SYNC: variants seen among roughly 807,000 people sequenced by gnomAD.
SYNC encodes the protein syncoilin, intermediate filament protein, also known as syncoilin.
A neutral mutation model predicts 49.5 loss-of-function variants in SYNC; 38 were observed. The observed-to-expected ratio is 0.77, with a 90% CI of 0.59 to 1.01. The LOEUF is 1.01. Ranked by LOEUF, SYNC falls within the 50% of genes least tolerant of loss-of-function variation. The pLI is 0.00. For missense variants in SYNC, 579 were observed against 580.6 expected, an observed-to-expected ratio of 1.00 and a Z score of 0.03; for synonymous variants, 201 against 230.8, an observed-to-expected ratio of 0.87 and a Z score of 1.17.
chr1:32,687,516 C>A (rs953774685), intron 2 of SYNC, among the ~76,000 whole-genome samples: 2 of 151,322 alleles, frequency 1.3e-5, no homozygotes, highest in African/African-American at 4.9e-5. Flanking sequence ...ACTAAAAATA[C>A]AAAAATTAGT....
At position 32,694,963 on chromosome 1, in the gene SYNC, G is replaced by C. The variant is rs1387344565; in HGVS notation, c.1135C>G (p.Gln379Glu). 2 of 1,613,898 alleles carry C rather than the reference G, an allele frequency of 1.2e-6. No individual in the cohort carries two copies. Among genetic ancestry groups the C allele is most frequent in the African/African-American group, 2.7e-5 (2 of 74,878 alleles). Residue 379 changes from glutamine (Q) to glutamate (E), a missense_variant, in exon 2 of 5, where the codon CAA (glutamine) becomes GAA (glutamate). Physicochemically the swap from Gln to Glu is conservative, Grantham distance 29. Transcript: ENST00000409190. ...QEMKEALRPL[Q>E]AEARQLRLQN... ...AGGCGGAGCTGCCGGGCCTCTGCTT[G>C]CAGGGGTCTCAGAGCCTCCTTCATT...
chr1:32,682,050 C>G (rs1477384803), intron 4 of SYNC, 190 bp from the exon 5 acceptor site: 2 of 575,682 alleles, frequency 3.5e-6, no homozygotes, highest in East Asian at 5.8e-5. Flanking sequence ...GATAGTTAAA[C>G]GTTTTCTCTG....
intron 2 of SYNC, among the ~76,000 whole-genome samples, chr1:32,694,352 C>T (rs1167853317): frequency 6.6e-6 from 1 of 150,994 alleles, no homozygotes; most frequent in Admixed American, 6.6e-5. Flanking sequence ...AAGACCCTGT[C>T]GCAAAAAAAA....
intron 4 of SYNC, chr1:32,682,598 C>T (rs1649518957): frequency 6.6e-6 from 1 of 151,832 alleles, no homozygotes; most frequent in African/African-American, 2.4e-5. Context: ...TGGTGAAACC[C>T]CGTTTCTACT....
Position 32,702,513 on chromosome 1 carries a change from C to G in SYNC, c.53+95G>C. 1 of 1,143,340 alleles carries G rather than the reference C, an allele frequency of 8.7e-7. No homozygotes were observed. Among genetic ancestry groups the G allele is most frequent in the Non-Finnish European group, 1.1e-6 (1 of 920,044 alleles). 70.8% of individuals were successfully genotyped at this position (1,143,340 alleles called of 1,614,324 possible). On this transcript the variant is annotated intron_variant, in intron 1 of 4. Transcript: ENST00000409190. This position sits in a 1 kb window ranked among gnomAD's most constrained non-coding sequence, Gnocchi z 6.2. ...CCCCGGCTGGACCACTACCCCTAGA[C>G]AGGCGAAAGACGCCCGCGGTCGGGG... is the stretch of plus-strand genomic sequence containing the variant.
intron 2 of SYNC, among the ~76,000 whole-genome samples, chr1:32,686,992 A>G (rs1435333278): frequency 1.3e-5 from 2 of 152,184 alleles, no homozygotes; most frequent in Non-Finnish European, 2.9e-5. Flanking sequence ...ATTGCATTCT[A>G]TGTAAAATTA....
intron 2 of SYNC, among the ~76,000 whole-genome samples, chr1:32,690,610 C>T (rs1236404839): frequency 6.6e-6 from 1 of 150,418 alleles, no homozygotes; most frequent in Non-Finnish European, 1.5e-5. Context: ...TGCCACTGCA[C>T]TCTAGCCTGA....
rs764770715 is a variant in SYNC at position 32,701,920 on chromosome 1, C to T, written c.53+688G>A. On this transcript the variant is annotated intron_variant, in intron 1 of 4. Coordinates refer to ENST00000409190, the MANE Select transcript of SYNC (RefSeq NM_030786.3). ...ATGGGTGAGTGTGTGTGTGTAAGACCGCTCAGCTTTGTGCCCCTGTGTGAC... is the reference window on the plus strand; with the variant it reads ...ATGGGTGAGTGTGTGTGTGTAAGACTGCTCAGCTTTGTGCCCCTGTGTGAC... 7.2e-5 allele frequency among the ~76,000 whole-genome samples: 11 copies of T among 152,264 alleles called. No individual in the cohort carries two copies. The South Asian group carries it at 2.1e-3, about 29-fold the overall frequency.
chr1:32,695,856 T>G lies in SYNC; in HGVS notation c.242A>C (p.Glu81Ala). The change falls in exon 2 of 5, where the codon GAG becomes GCG. Residue 81 changes from glutamate (E) to alanine (A), a missense_variant. By Grantham distance (107) the Glu-to-Ala change is moderately radical. Transcript: ENST00000409190. ...CATGGCCTCCTCAATATACAGGGCC[T>G]CCTCTGCCTTCTCAGTCTCTTGCAC... ...LYVQETEKAE[E>A]ALYIEEAMQP... The G allele has an allele frequency of 6.4e-7, 1 of 1,552,044 alleles. No homozygotes were observed. The highest frequency in any genetic ancestry group is 8.7e-7 in the Non-Finnish European group (1 of 1,147,082).
At chr1:32,699,332 T>G in intron 1 of SYNC, among the ~76,000 whole-genome samples, 1 of 151,608 alleles carries the variant, frequency 6.6e-6, no homozygotes, top group Non-Finnish European at 1.5e-5. Flanking sequence ...TTTTGTGTAT[T>G]TAGTAGAGAC....
rs1393203944 is a variant in SYNC at position 32,688,026 on chromosome 1, G to T, written c.1234-3644C>A. Among the ~76,000 whole-genome samples, 15 of 151,574 alleles carry T rather than the reference G, an allele frequency of 9.9e-5. 1 individual carries two copies. The highest frequency in any genetic ancestry group is 9.2e-4 in the Admixed American group (14 of 15,178). ...ATTTTTGTATTTTTAGTAGAGACGG[G>T]GTTTCACCATATTGGTCAGGTTGGT... On this transcript the variant is annotated intron_variant, in intron 2 of 4. Transcript: ENST00000409190.
Position 32,680,365 on chromosome 1 carries a change from T to G in SYNC, c.*1485A>C, listed in dbSNP as rs548056152. The G allele has an allele frequency of 3.1e-5, 35 of 1,136,340 alleles. No individual in the cohort carries two copies. The South Asian group carries it at 6.2e-4, about 20-fold the overall frequency. The allele number at this position is 1,136,340 out of a possible 1,614,324, so 70.4% of individuals were successfully genotyped here. A position where few individuals can be genotyped will look rare whatever the true frequency, so the allele number is the denominator to read the frequency against. ...TTTTTTTTTTGTTGTTGGTTTTTTT[T>G]TTTTTTTTTTTAACTTGGGACCACC... On this transcript the variant is annotated 3_prime_UTR_variant, in exon 5 of 5. Transcript: ENST00000409190.
At chr1:32,688,659 C>T (rs921089431) in intron 2 of SYNC, among the ~76,000 whole-genome samples, 1 of 152,146 alleles carries the variant, frequency 6.6e-6, no homozygotes, top group African/African-American at 2.4e-5. Context: ...TGCAGTGGCG[C>T]GATCTCAACC....
At chr1:32,694,799 T>C (rs762299316) in intron 2 of SYNC, 66 bp downstream of exon 2, 171 of 1,451,500 alleles carry the variant, frequency 1.2e-4, no homozygotes, top group Non-Finnish European at 1.5e-4. Context: ...CCCAAAGACC[T>C]TGGACTCTGG....
chr1:32,690,915 C>T (rs547318944), intron 2 of SYNC, among the ~76,000 whole-genome samples: 1 of 151,716 alleles, frequency 6.6e-6, no homozygotes, highest in Non-Finnish European at 1.5e-5. Context: ...GGTGAAACCC[C>T]GTCCCTACTA....
chr1:32,692,487 G>A (rs767098084), intron 2 of SYNC, among the ~76,000 whole-genome samples: 43 of 152,318 alleles, frequency 2.8e-4, no homozygotes, highest in Admixed American at 1.1e-3. Flanking sequence ...GGTGGCTTAC[G>A]CCTGTAATCC....
At position 32,701,324 on chromosome 1, in the gene SYNC, G is replaced by A. The variant is rs534838181; in HGVS notation, c.53+1284C>T. On this transcript the variant is annotated intron_variant, in intron 1 of 4. Transcript: ENST00000409190. ...CAGACAGCCCCATGTGTGTTCTCAG[G>A]GCACTCTGTATGCAGCACATCTTCA... Among the ~76,000 whole-genome samples the A allele has an allele frequency of 4.6e-5, 7 of 152,152 alleles. No individual in the cohort carries two copies. In the East Asian group the frequency reaches 1.4e-3, roughly 29 times the overall value.
chr1:32,697,700 C>A (rs12026015), intron 1 of SYNC, among the ~76,000 whole-genome samples: 5,793 of 147,410 alleles, frequency 0.039, 226 homozygotes, highest in East Asian at 0.12. Context: ...CTGCACCACT[C>A]TGCACCCCAG....
In SYNC at chr1:32,695,712, T is replaced by C. The variant is rs1272991950; in HGVS notation, c.386A>G (p.Lys129Arg). 3 of 1,551,498 alleles carry C rather than the reference T, an allele frequency of 1.9e-6. No homozygotes were observed. The highest frequency in any genetic ancestry group is 2.6e-6 in the Non-Finnish European group (3 of 1,146,996). The change falls in exon 2 of 5, where the codon AAG becomes AGG. Residue 129 changes from lysine to arginine, a missense_variant. Lys to Arg is a conservative substitution (Grantham distance 26, BLOSUM62 2). Coordinates refer to ENST00000409190, the MANE Select transcript of SYNC (RefSeq NM_030786.3). ...QFVEGPVEPG[K>R]PTSPEHVVYE... Reference sequence around the variant, plus strand: ...AACAACGTGCTCTGGGCTTGTGGGCTTTCCTGGCTCCACGGGCCCCTCCAC... The same window carrying C: ...AACAACGTGCTCTGGGCTTGTGGGCCTTCCTGGCTCCACGGGCCCCTCCAC...
Sources: allele counts gnomAD v4.1 joint callset (sites outside exome capture counted in the v4.1 genomes callset), GRCh38; gene constraint gnomAD v4.1.1; non-coding constraint Gnocchi (gnomAD v3.1); transcripts MANE v1.5; gene names NCBI Gene and HGNC (gene_info 2026-07-23, HGNC 2026-07-21).